Variants in BRINP3 observed in about 807,000 individuals in gnomAD.
BRINP3 encodes BMP/retinoic acid inducible neural specific 3.
BRINP3 carries 19 observed loss-of-function variants against 71.0 expected under a neutral mutation model. The observed-to-expected ratio is 0.27, with a 90% CI of 0.19 to 0.39. The LOEUF is 0.39. Ranked by LOEUF, BRINP3 falls within the 10% of genes least tolerant of loss-of-function variation. The probability of loss-of-function intolerance (pLI) is 1.00; values close to 1 mark genes in which losing one functional copy is unlikely to be tolerated. For missense variants in BRINP3, 959 were observed against 940.8 expected (o/e 1.02, Z -0.25); for synonymous variants, 380 against 337.7 (o/e 1.13, Z -1.37).
chr1:190,404,591 C>T (rs1373410429), intron 2 of BRINP3, among the ~76,000 whole-genome samples: 1 of 152,132 alleles, frequency 6.6e-6, no homozygotes, highest in Admixed American at 6.6e-5. Flanking sequence ...CAGTTGATAT[C>T]ATTACCTTAC....
chr1:190,163,643 C>A (rs1203171299), intron 6 of BRINP3, among the ~76,000 whole-genome samples: 1 of 151,964 alleles, frequency 6.6e-6, no homozygotes, highest in African/African-American at 2.4e-5. Context: ...TTAATGAATT[C>A]TGTGGAAATA....
At chr1:190,391,916 G>T (rs975875625) in intron 2 of BRINP3, among the ~76,000 whole-genome samples, 3 of 151,710 alleles carry the variant, frequency 2.0e-5, no homozygotes, top group Non-Finnish European at 2.9e-5. Flanking sequence ...GTTTGCAAAA[G>T]CCATCATTTT....
intron 2 of BRINP3, among the ~76,000 whole-genome samples, chr1:190,394,641 TAA>T (rs1194156940): frequency 6.6e-6 from 1 of 151,582 alleles, no homozygotes; most frequent in East Asian, 1.9e-4. Flanking sequence ...GCAAAAAAGA[TAA>T]AGATACAAAA....
chr1:190,220,360 G>C (rs894416863), intron 6 of BRINP3, among the ~76,000 whole-genome samples: 1 of 151,984 alleles, frequency 6.6e-6, no homozygotes, highest in African/African-American at 2.4e-5. Flanking sequence ...CACGGACACA[G>C]GGAGAGGAAC....
rs149437200 is a variant in BRINP3 at position 190,347,539 on chromosome 1, T to C, written c.237-65789A>G. Reference sequence around the variant, plus strand: ...ATGGACTAATCTGTTTCTCCAGGATTTTGTATCTTTTCTGCCTAACTCACC... The same window carrying C: ...ATGGACTAATCTGTTTCTCCAGGATCTTGTATCTTTTCTGCCTAACTCACC... On this transcript the variant is annotated intron_variant, in intron 2 of 7. Transcript: ENST00000367462. Among the ~76,000 whole-genome samples, 5 of 152,270 alleles carry C rather than the reference T, an allele frequency of 3.3e-5. No homozygotes were observed. In the East Asian group the frequency reaches 9.7e-4, roughly 29 times the overall value.
intron 2 of BRINP3, among the ~76,000 whole-genome samples, chr1:190,372,699 C>T (rs1303053481): frequency 1.3e-5 from 2 of 152,134 alleles, no homozygotes; most frequent in Non-Finnish European, 2.9e-5. Flanking sequence ...CTCTTCTAAT[C>T]GTTTCTAAGG....
At chr1:190,275,015 C>G (rs1258982008) in intron 3 of BRINP3, among the ~76,000 whole-genome samples, 1 of 151,484 alleles carries the variant, frequency 6.6e-6, no homozygotes, top group Non-Finnish European at 1.5e-5. Flanking sequence ...TGCAAAGTAT[C>G]CCAAAGGAGA....
At chr1:190,218,948 T>C (rs1291953192) in intron 6 of BRINP3, among the ~76,000 whole-genome samples, 1 of 152,130 alleles carries the variant, frequency 6.6e-6, no homozygotes, top group African/African-American at 2.4e-5. Context: ...TTTTCTCTTG[T>C]CTGGAACATG....
In BRINP3 at chr1:190,329,981, G is replaced by A. The variant is rs564453455; in HGVS notation, c.237-48231C>T. 2.0e-5 allele frequency among the ~76,000 whole-genome samples: 3 copies of A among 151,710 alleles called. No homozygotes were observed. The South Asian group carries it at 6.3e-4, about 32-fold the overall frequency. ...CCATACCATTCATCATAAAAAAAAAGCCTCAACGTGGATTAAAAATTAAAA... is the reference window on the plus strand; with the variant it reads ...CCATACCATTCATCATAAAAAAAAAACCTCAACGTGGATTAAAAATTAAAA... On this transcript the variant is annotated intron_variant, in intron 2 of 7. Coordinates refer to ENST00000367462, the MANE Select transcript of BRINP3 (RefSeq NM_199051.3).
chr1:190,264,963 G>T lies in BRINP3; in HGVS notation c.520C>A (p.Leu174Met). ...GCGGCTAGCTGATGTAGCGTCTCCA[G>T]AGTGACCGAAGAGCTATTGGTGGTG... is the stretch of plus-strand genomic sequence containing the variant. Reference protein sequence around the residue: ...DSTTNSSSVTLETLHQLAASY... With the variant: ...DSTTNSSSVTMETLHQLAASY... Residue 174 changes from leucine to methionine, a missense_variant, in exon 4 of 8, where the codon CTG (leucine) becomes ATG (methionine). By Grantham distance (15) the Leu-to-Met change is conservative. Transcript: ENST00000367462. 1 of 1,612,874 alleles carries T rather than the reference G, an allele frequency of 6.2e-7. No homozygotes were observed. Among genetic ancestry groups the T allele is most frequent in the Middle Eastern group, 1.6e-4 (1 of 6,062 alleles).
At chr1:190,410,391 A>G (rs1298345203) in intron 2 of BRINP3, among the ~76,000 whole-genome samples, 1 of 152,120 alleles carries the variant, frequency 6.6e-6, no homozygotes, top group Non-Finnish European at 1.5e-5. Context: ...AGAGGAAATT[A>G]AGTGTTATAC....
At chr1:190,317,896 A>T (rs1665990939) in intron 2 of BRINP3, among the ~76,000 whole-genome samples, 1 of 152,120 alleles carries the variant, frequency 6.6e-6, no homozygotes, top group Non-Finnish European at 1.5e-5. Context: ...TACTTGTGTA[A>T]AAAATAAATT....
chr1:190,447,570 A>G (rs1675311741), intron 2 of BRINP3, among the ~76,000 whole-genome samples: 1 of 147,820 alleles, frequency 6.8e-6, no homozygotes, highest in African/African-American at 2.5e-5. Flanking sequence ...GTACGTACAC[A>G]CACACGTTTT....
chr1:190,272,085 T>C (rs1662157465), intron 3 of BRINP3, among the ~76,000 whole-genome samples: 1 of 151,554 alleles, frequency 6.6e-6, no homozygotes, highest in Non-Finnish European at 1.5e-5. Context: ...TTTCATTTCC[T>C]ATCTACAGGA....
At chr1:190,137,087 G>C (rs1192520103) in intron 7 of BRINP3, among the ~76,000 whole-genome samples, 2 of 152,006 alleles carry the variant, frequency 1.3e-5, no homozygotes, top group Non-Finnish European at 2.9e-5. Flanking sequence ...TGCTCATTAA[G>C]AGACAATAAA....
chr1:190,141,966 G>T (rs1415645954), intron 7 of BRINP3, among the ~76,000 whole-genome samples: 1 of 151,766 alleles, frequency 6.6e-6, no homozygotes, highest in Admixed American at 6.6e-5. Flanking sequence ...TGAAAAATAT[G>T]AATAAAAGTT....
chr1:190,313,863 A>G (rs1665706497), intron 2 of BRINP3, among the ~76,000 whole-genome samples: 1 of 152,038 alleles, frequency 6.6e-6, no homozygotes, highest in Non-Finnish European at 1.5e-5. Context: ...TCTTATGTGG[A>G]TAATTGGTGA....
chr1:190,109,978 G>C (rs553129762), intron 7 of BRINP3, among the ~76,000 whole-genome samples: 1 of 152,166 alleles, frequency 6.6e-6, no homozygotes, highest in Non-Finnish European at 1.5e-5. Context: ...TTAATCATGT[G>C]AGTCCATTCT....
chr1:190,473,773 A>ATTTTTTTT, intron 1 of BRINP3, among the ~76,000 whole-genome samples: 1 of 142,412 alleles, frequency 7.0e-6, no homozygotes, highest in Admixed American at 7.0e-5. Context: ...ATAATTTTCT[A>ATTTTTTTT]TTTTTTTTTT....
Sources: allele counts gnomAD v4.1 joint callset (sites outside exome capture counted in the v4.1 genomes callset), GRCh38; gene constraint gnomAD v4.1.1; transcripts MANE v1.5; gene names NCBI Gene and HGNC (gene_info 2026-07-23, HGNC 2026-07-21).